BMPER: variants seen among roughly 807,000 people sequenced by gnomAD.
BMPER encodes BMP-binding endothelial regulator protein.
Under a neutral mutation model 87.3 loss-of-function variants are expected in BMPER, and 45 were observed. The observed-to-expected ratio is 0.52, with a 90% confidence interval of 0.41 to 0.66. BMPER has a LOEUF of 0.66. Among genes scored for constraint, BMPER ranks in the 30% least tolerant of loss-of-function variants. The pLI, the probability that BMPER is intolerant of heterozygous loss-of-function variation, is 0.00. For missense variants in BMPER, 784 were observed against 867.5 expected, an observed-to-expected ratio of 0.90 and a Z score of 1.21; for synonymous variants, 326 against 316.2, an observed-to-expected ratio of 1.03 and a Z score of -0.33.
In BMPER at chr7:33,978,744, C is replaced by A. The variant is rs117402460; in HGVS notation, c.576+3960C>A. On this transcript the variant is annotated intron_variant, in intron 6 of 14. Coordinates refer to ENST00000649409, the MANE Select transcript of BMPER (RefSeq NM_001365308.1). ...TTAAAAATGCGTTTAACACACCTAA[C>A]CTACTGAACACCGTAGCTTAGCCTA... Among the ~76,000 whole-genome samples the A allele has an allele frequency of 5.1e-3, 771 of 152,278 alleles. 3 individuals carry two copies. Among genetic ancestry groups the A allele is most frequent in the Middle Eastern group, 0.048 (14 of 294 alleles).
chr7:33,937,190 C>T, intron 2 of BMPER, 99 bp from the exon 3 acceptor site: 2 of 1,266,834 alleles, frequency 1.6e-6, no homozygotes, highest in Non-Finnish European at 1.1e-6. Context: ...AAGTGAAGGC[C>T]AGATAAGAGT....
At chr7:33,934,113 T>C (rs1585651177) in intron 2 of BMPER, among the ~76,000 whole-genome samples, 1 of 151,986 alleles carries the variant, frequency 6.6e-6, no homozygotes, top group Non-Finnish European at 1.5e-5. Flanking sequence ...GCCCAGGGGG[T>C]GAGGGAGTCC....
chr7:34,055,287 G>A lies in BMPER; in HGVS notation c.911G>A (p.Gly304Asp), dbSNP rs747654032. ...PPEDIKVCKF[G>D]NKIFQDGEMW... is the part of the protein sequence containing the mutation. ...GAAGACATCAAAGTATGCAAATTTG[G>A]CAACAAGATTTTCCAGGTATGTCAT... The change falls in exon 9 of 15, where the codon GGC becomes GAC. Residue 304 changes from glycine (G) to aspartate (D), a missense_variant. Gly to Asp is a moderately conservative substitution (Grantham distance 94). Coordinates refer to ENST00000649409, the MANE Select transcript of BMPER (RefSeq NM_001365308.1). 32 of 1,613,876 alleles carry A rather than the reference G, an allele frequency of 2.0e-5. No individual in the cohort carries two copies. The Admixed American group carries it at 2.7e-4, about 13-fold the overall frequency.
At chr7:33,935,417 A>C (rs1445149730) in intron 2 of BMPER, among the ~76,000 whole-genome samples, 5 of 152,064 alleles carry the variant, frequency 3.3e-5, no homozygotes, top group African/African-American at 1.2e-4. Context: ...GATTAACCAG[A>C]TCTGAGCTTC....
At chr7:33,910,757 A>G (rs1420996399) in intron 2 of BMPER, among the ~76,000 whole-genome samples, 1 of 141,064 alleles carries the variant, frequency 7.1e-6, no homozygotes, top group Admixed American at 7.1e-5. Context: ...GTGAAGACAG[A>G]GAGACCTTGT....
chr7:34,097,535 A>G (rs1478244698), intron 13 of BMPER, among the ~76,000 whole-genome samples: 1 of 152,148 alleles, frequency 6.6e-6, no homozygotes, highest in Non-Finnish European at 1.5e-5. Flanking sequence ...TACCTATTAC[A>G]TAGCCTATGT....
rs367829510 is a variant in BMPER, at chr7:34,046,288, T to C, written c.577-18T>C. The C allele has an allele frequency of 9.3e-6, 15 of 1,608,432 alleles. No homozygotes were observed. In the African/African-American group the frequency reaches 2.0e-4, roughly 22 times the overall value. On this transcript the variant is annotated intron_variant, in intron 6 of 14. Transcript: ENST00000649409. ...ACTTACTTTTCTAAATATGCTTTTT[T>C]TTTCTCTCTTTTCTTAGGGAGGCAG...
At chr7:33,941,831 G>C (rs1353548386) in intron 3 of BMPER, among the ~76,000 whole-genome samples, 1 of 152,172 alleles carries the variant, frequency 6.6e-6, no homozygotes, top group Admixed American at 6.5e-5. Context: ...CCGTGGCCCA[G>C]GCAGGGGTTG....
At chr7:33,982,049 C>T (rs1785877813) in intron 6 of BMPER, among the ~76,000 whole-genome samples, 1 of 152,180 alleles carries the variant, frequency 6.6e-6, no homozygotes, top group Admixed American at 6.5e-5. Flanking sequence ...ATACAGGAGA[C>T]ATGACTGACC....
At chr7:33,983,990 A>C (rs774665966) in intron 6 of BMPER, among the ~76,000 whole-genome samples, 1 of 152,228 alleles carries the variant, frequency 6.6e-6, no homozygotes, top group Admixed American at 6.5e-5. Context: ...GAGCCTAAGC[A>C]TTTGTCTCCA....
chr7:33,934,794 G>A (rs765693584), intron 2 of BMPER, among the ~76,000 whole-genome samples: 10 of 152,206 alleles, frequency 6.6e-5, no homozygotes, highest in Non-Finnish European at 1.3e-4. Flanking sequence ...GAGGAGATGC[G>A]CTTGGGAGTG....
At chr7:34,045,837 G>A (rs1202654974) in intron 6 of BMPER, among the ~76,000 whole-genome samples, 1 of 152,084 alleles carries the variant, frequency 6.6e-6, no homozygotes, top group Non-Finnish European at 1.5e-5. Context: ...ATGGGTGACT[G>A]GAAGATAGGA....
At chr7:34,056,763 G>A (rs1041266734) in intron 9 of BMPER, among the ~76,000 whole-genome samples, 1 of 151,984 alleles carries the variant, frequency 6.6e-6, no homozygotes, top group African/African-American at 2.4e-5. Context: ...GATTACAGGT[G>A]CATGCCACCA....
chr7:33,940,727 T>C (rs1784730232), intron 3 of BMPER, among the ~76,000 whole-genome samples: 1 of 151,654 alleles, frequency 6.6e-6, no homozygotes, highest in Non-Finnish European at 1.5e-5. Context: ...GAGAGTGATT[T>C]AGTGAGGAAT....
At chr7:34,046,099 T>A (rs1787957010) in intron 6 of BMPER, among the ~76,000 whole-genome samples, 1 of 152,036 alleles carries the variant, frequency 6.6e-6, no homozygotes, top group African/African-American at 2.4e-5. Context: ...TGGAATCACC[T>A]CCTCAAAGGC....
At chr7:33,927,053 T>C (rs932971528) in intron 2 of BMPER, among the ~76,000 whole-genome samples, 1 of 152,330 alleles carries the variant, frequency 6.6e-6, no homozygotes. Flanking sequence ...TCAGGGTCAA[T>C]TGTGCAGATG....
chr7:33,943,687 C>A (rs73110382), intron 3 of BMPER, among the ~76,000 whole-genome samples: 38,579 of 152,148 alleles, frequency 0.25, 5,531 homozygotes, highest in Non-Finnish European at 0.33. Flanking sequence ...TAAGCCCTTT[C>A]TCCGTAAAAG....
chr7:33,919,923 A>ATATCTATCTATCTATC (rs61007454), intron 2 of BMPER, among the ~76,000 whole-genome samples: 23,055 of 150,712 alleles, frequency 0.15, 1,728 homozygotes, highest in East Asian at 0.21. Context: ...ATCTGTGTAC[A>ATATCTATCTATCTATC]TATCTATCTA....
At chr7:34,150,858 G>A (rs1791158250) in intron 14 of BMPER, among the ~76,000 whole-genome samples, 1 of 152,146 alleles carries the variant, frequency 6.6e-6, no homozygotes, top group Non-Finnish European at 1.5e-5. Flanking sequence ...TGTGTATGTA[G>A]CGAGAGAGAG....
Sources: gnomAD v4.1 joint callset for allele counts (sites outside exome capture counted in the v4.1 genomes callset) on GRCh38, gnomAD v4.1.1 for gene constraint, MANE v1.5 for transcripts, NCBI Gene and HGNC (gene_info 2026-07-23, HGNC 2026-07-21) for gene names.